The following TMEM80 variants were observed in gnomAD, a reference collection of about 807,000 sequenced individuals.
TMEM80 encodes transmembrane protein 80.
In TMEM80, 16 loss-of-function variants were observed where a neutral mutation model predicts 13.6. That is an observed-to-expected ratio of 1.17 (90% CI 0.79 to 1.78). The LOEUF (loss-of-function observed/expected upper bound fraction) is 1.78, where lower values mean the gene tolerates loss of function less well. TMEM80 is among the 40% of genes most tolerant of loss of function. The pLI is 0.00. For missense variants in TMEM80, 167 were observed against 184.6 expected, an observed-to-expected ratio of 0.90 and a Z score of 0.55; for synonymous variants, 92 against 89.5, an observed-to-expected ratio of 1.03 and a Z score of -0.16.
At chr11:704,236 G>C (rs960395010), downstream of TMEM80, 7 of 854,738 alleles carry the variant, frequency 8.2e-6, no homozygotes, top group East Asian at 6.5e-5. Flanking sequence ...CCTCGCCCTC[G>C]GGCCCTGGCT....
At chr11:700,293 G>A in intron 3 of TMEM80, 58 bp downstream of exon 3, 1 of 1,454,468 alleles carries the variant, frequency 6.9e-7, no homozygotes, top group Non-Finnish European at 9.6e-7. Flanking sequence ...TTGGGAGGCT[G>A]AGGTGGGCGG....
chr11:702,442 G>A (rs779945387), intron 4 of TMEM80, among the ~76,000 whole-genome samples: 27 of 152,218 alleles, frequency 1.8e-4, no homozygotes, highest in Non-Finnish European at 3.1e-4. Flanking sequence ...CAAGCGCGCC[G>A]CACACTGCAG....
intron 4 of TMEM80, 118 bp from the exon 5 acceptor site, chr11:702,827 C>CCGGAGGAA: frequency 9.9e-7 from 1 of 1,010,458 alleles, no homozygotes; most frequent in South Asian, 1.8e-5. Context: ...TCCCCAGGCC[C>CCGGAGGAA]CGGAGGAACG....
At chr11:697,276 A>G (rs1029996577) in intron 1 of TMEM80, among the ~76,000 whole-genome samples, 3 of 152,206 alleles carry the variant, frequency 2.0e-5, no homozygotes, top group South Asian at 4.1e-4. Flanking sequence ...GTGTATACCA[A>G]AACAAGATTT....
chr11:698,309 G>C (rs1861292511), intron 1 of TMEM80, among the ~76,000 whole-genome samples: 1 of 152,126 alleles, frequency 6.6e-6, no homozygotes, highest in African/African-American at 2.4e-5. Context: ...TCTCAGGTGG[G>C]GGTGGGAGAA....
intron 4 of TMEM80, chr11:700,971 G>A (rs1479709611): frequency 4.5e-6 from 2 of 448,650 alleles, no homozygotes; most frequent in Admixed American, 4.2e-5. Flanking sequence ...CTGGGTAATG[G>A]CACTGAGATC....
rs760775876 is a variant in TMEM80 at position 703,486 on chromosome 11, G to A, written c.*336G>A. On this transcript the variant is annotated 3_prime_UTR_variant, in exon 5 of 5. Coordinates refer to ENST00000397510, the MANE Select transcript of TMEM80 (RefSeq NM_001042463.3). ...CAGACCCCCATGGGCCCCCAGGGCC[G>A]AGAGGGAGGACAGAGCCCTTCAGAA... is the stretch of plus-strand genomic sequence containing the variant. The A allele has an allele frequency of 6.8e-5, 85 of 1,257,326 alleles. No homozygotes were observed. Among genetic ancestry groups the A allele is most frequent in the Non-Finnish European group, 7.1e-5 (71 of 1,003,110 alleles). 77.9% of individuals were successfully genotyped at this position (1,257,326 alleles called of 1,614,324 possible).
chr11:702,880 C>G, intron 4 of TMEM80, 65 bp from the exon 5 acceptor site: 1 of 1,482,870 alleles, frequency 6.7e-7, no homozygotes, highest in Non-Finnish European at 9.2e-7. Flanking sequence ...CTCCAGGCAC[C>G]TGTGGGCGGT....
In TMEM80 at chr11:703,406, A is replaced by AGGAGC; in HGVS notation, c.*258_*262dup. On this transcript the variant is annotated 3_prime_UTR_variant, in exon 5 of 5. Coordinates refer to ENST00000397510, the MANE Select transcript of TMEM80 (RefSeq NM_001042463.3). Reference sequence around the variant, plus strand: ...CAGAACTGCCTTCAAGATGAGTCCCAGGAGCGCACACTCAGCCCTGTCAGT... The same window carrying AGGAGC: ...CAGAACTGCCTTCAAGATGAGTCCCAGGAGCGGAGCGCACACTCAGCCCTGTCAGT... 7.4e-7 allele frequency: 1 copy of AGGAGC among 1,344,000 alleles called. No homozygotes were observed. The highest frequency in any genetic ancestry group is 9.5e-7 in the Non-Finnish European group (1 of 1,053,122). 83.3% of individuals were successfully genotyped at this position (1,344,000 alleles called of 1,614,324 possible). A position where few individuals can be genotyped will look rare whatever the true frequency, so the allele number is the denominator to read the frequency against.
chr11:695,841 G>C lies in TMEM80; in HGVS notation c.14G>C (p.Arg5Pro). The change falls in exon 1 of 5, where the codon CGG (arginine) becomes CCG (proline). Residue 5 changes from arginine to proline, a missense_variant. By Grantham distance (103) the Arg-to-Pro change is moderately radical. Transcript: ENST00000397510. MAAP[R>P]RGRGSSTVLS... ...GGGGCGGGTAAGATGGCGGCCCCGC[G>C]GCGAGGTGAGCTCGGGCGGGGTGGG... The C allele has an allele frequency of 8.1e-7, 1 of 1,230,196 alleles. No homozygotes were observed. Among genetic ancestry groups the C allele is most frequent in the Non-Finnish European group, 1.0e-6 (1 of 986,118 alleles). The allele number at this position is 1,230,196 out of a possible 1,614,324, so 76.2% of individuals were successfully genotyped here.
At chr11:702,330 C>G (rs147453931) in intron 4 of TMEM80, among the ~76,000 whole-genome samples, 1 of 152,234 alleles carries the variant, frequency 6.6e-6, no homozygotes, top group Non-Finnish European at 1.5e-5. Flanking sequence ...CACAGAGGCC[C>G]GGTTCTTGGC....
chr11:696,349 G>A (rs1861156519), intron 1 of TMEM80, among the ~76,000 whole-genome samples: 1 of 152,146 alleles, frequency 6.6e-6, no homozygotes, highest in Admixed American at 6.6e-5. Context: ...CCCATACGCG[G>A]GCGCTGAAGT....
intron 1 of TMEM80, among the ~76,000 whole-genome samples, chr11:696,257 G>C (rs1861152074): frequency 6.6e-6 from 1 of 152,188 alleles, no homozygotes; most frequent in African/African-American, 2.4e-5. Flanking sequence ...GCCTCCGAGA[G>C]GAGGAAGGGA....
rs774188274 is a variant in TMEM80 at position 703,137 on chromosome 11, C to T, written c.419C>T (p.Ala140Val). 12 of 1,607,382 alleles carry T rather than the reference C, an allele frequency of 7.5e-6. No homozygotes were observed. Among genetic ancestry groups the T allele is most frequent in the Non-Finnish European group, 1.0e-5 (12 of 1,176,082 alleles). ...GTCCTGCAGGTGGTTGCCATCGCGG[C>T]CTTCACCAGGTAGCTACGGACACCC... ...EAVLQVVAIA[A>V]FTR Residue 140 changes from alanine (A) to valine (V), a missense_variant, in exon 5 of 5, where the codon GCC (alanine) becomes GTC (valine). Transcript: ENST00000397510.
In TMEM80 at chr11:703,256, G is replaced by T; in HGVS notation, c.*106G>T. The T allele has an allele frequency of 6.9e-7, 1 of 1,455,126 alleles. No individual in the cohort carries two copies. The highest frequency in any genetic ancestry group is 1.5e-5 in the South Asian group (1 of 67,510). The allele number at this position is 1,455,126 out of a possible 1,614,324, so 90.1% of individuals were successfully genotyped here. A position where few individuals can be genotyped will look rare whatever the true frequency, so the allele number is the denominator to read the frequency against. ...GGACAGGAAGGGCACTTTTCCTAGT[G>T]ACTGGCCATAGATGGTTTTGGATGG... On this transcript the variant is annotated 3_prime_UTR_variant, in exon 5 of 5. Coordinates refer to ENST00000397510, the MANE Select transcript of TMEM80 (RefSeq NM_001042463.3).
At chr11:696,312 C>T (rs767937438) in intron 1 of TMEM80, among the ~76,000 whole-genome samples, 17 of 152,112 alleles carry the variant, frequency 1.1e-4, no homozygotes, top group Non-Finnish European at 2.1e-4. Context: ...GAGCCGCCTT[C>T]TGCTGTCTGT....
rs1255983306 is a variant in TMEM80, at chr11:703,792, C to A, written c.*642C>A. The A allele has an allele frequency of 3.2e-6, 4 of 1,233,084 alleles. No homozygotes were observed. The African/African-American group carries it at 4.7e-5, about 14-fold the overall frequency. 76.4% of individuals were successfully genotyped at this position (1,233,084 alleles called of 1,614,324 possible). ...CAATTTCCATCTTAGCCACACTTCT[C>A]CCTTCAGGGGCTTCGGAGGAGAGGT... is the stretch of plus-strand genomic sequence containing the variant. On this transcript the variant is annotated 3_prime_UTR_variant, in exon 5 of 5. Coordinates refer to ENST00000397510, the MANE Select transcript of TMEM80 (RefSeq NM_001042463.3).
intron 4 of TMEM80, among the ~76,000 whole-genome samples, chr11:701,603 G>A (rs151159116): frequency 0.052 from 7,885 of 151,798 alleles, 711 homozygotes; most frequent in African/African-American, 0.18. Flanking sequence ...TAGAGATGGG[G>A]TTTCACCATG....
intron 1 of TMEM80, among the ~76,000 whole-genome samples, chr11:698,461 C>A (rs1410576215): frequency 1.3e-5 from 2 of 152,204 alleles, no homozygotes; most frequent in African/African-American, 4.8e-5. Flanking sequence ...TTGTTACAAC[C>A]TAAGTCAGAA....
Sources: allele counts gnomAD v4.1 joint callset (sites outside exome capture counted in the v4.1 genomes callset), GRCh38; gene constraint gnomAD v4.1.1; transcripts MANE v1.5; gene names NCBI Gene and HGNC (gene_info 2026-07-23, HGNC 2026-07-21).